The following MMP26 variants were observed in gnomAD, a reference collection of about 807,000 sequenced individuals.
The protein encoded by MMP26 is matrix metallopeptidase 26.
A neutral mutation model predicts 31.0 loss-of-function variants in MMP26; 33 were observed. The ratio of observed to expected loss-of-function variants is 1.06; its 90% CI spans 0.81 to 1.42. The LOEUF (loss-of-function observed/expected upper bound fraction) is 1.42. MMP26 is among the 40% of genes most tolerant of loss of function. MMP26 has a pLI of 0.00. For missense variants in MMP26, 347 were observed against 316.1 expected (o/e 1.10, Z -0.74); for synonymous variants, 122 against 114.9 (o/e 1.06, Z -0.40).
intron 2 of MMP26, among the ~76,000 whole-genome samples, chr11:4,826,429 C>T (rs1262892764): frequency 6.6e-6 from 1 of 152,094 alleles, no homozygotes. Context: ...AAGAAGCTAT[C>T]TCAGCTTCAG....
chr11:4,706,961 T>G (rs1225973332), intron 1 of MMP26, among the ~76,000 whole-genome samples: 4 of 152,252 alleles, frequency 2.6e-5, no homozygotes, highest in African/African-American at 9.6e-5. Flanking sequence ...TCTTGTGCTT[T>G]CTTTATGCAT....
chr11:4,766,823 C>G (rs1347269459), intron 1 of MMP26, among the ~76,000 whole-genome samples: 1 of 150,586 alleles, frequency 6.6e-6, no homozygotes, highest in Non-Finnish European at 1.5e-5. Flanking sequence ...GTGACTCTGA[C>G]AATTTAAAAA....
At chr11:4,949,442 G>T (rs1242394730) in intron 2 of MMP26, among the ~76,000 whole-genome samples, 1 of 122,884 alleles carries the variant, frequency 8.1e-6, no homozygotes, top group African/African-American at 2.7e-5. Flanking sequence ...TTCTAGAGAC[G>T]TGAAGTATTG....
intron 1 of MMP26, among the ~76,000 whole-genome samples, chr11:4,746,701 G>A (rs1364817333): frequency 6.6e-6 from 1 of 152,050 alleles, no homozygotes; most frequent in Non-Finnish European, 1.5e-5. Flanking sequence ...GGGTTTGGTG[G>A]TGGGCACCTG....
Position 4,950,512 on chromosome 11 carries a change from C to G in MMP26, c.-144-37556C>G, listed in dbSNP as rs1002379337. ...TAGAAACAAAGTAGCATGATGAATA[C>G]TAGATGATGGGGATGGGGGGAGTCT... On this transcript the variant is annotated intron_variant, in intron 2 of 7. Coordinates refer to ENST00000380390, the MANE Select transcript of MMP26 (RefSeq NM_021801.5). Among the ~76,000 whole-genome samples, 4 of 119,274 alleles carry G rather than the reference C, an allele frequency of 3.4e-5. 1 individual carries two copies. Among genetic ancestry groups the G allele is most frequent in the African/African-American group, 1.1e-4 (4 of 35,470 alleles). The allele number at this position is 119,274 out of a possible 152,430, so 78.2% of individuals were successfully genotyped here.
intron 2 of MMP26, chr11:4,848,659 G>A (rs1289760046): frequency 2.5e-6 from 4 of 1,613,802 alleles, no homozygotes; most frequent in Non-Finnish European, 3.4e-6. Context: ...CAATAAGAAT[G>A]GGTTAGGACC....
At position 4,734,617 on chromosome 11, in the gene MMP26, C is replaced by A. The variant is rs117476465; in HGVS notation, c.-217+29572C>A. 5.1e-3 allele frequency among the ~76,000 whole-genome samples: 748 copies of A among 147,720 alleles called. 6 individuals are homozygous for A. Among genetic ancestry groups the A allele is most frequent in the Admixed American group, 0.011 (167 of 14,908 alleles). On this transcript the variant is annotated intron_variant, in intron 1 of 7. Coordinates refer to ENST00000380390, the MANE Select transcript of MMP26 (RefSeq NM_021801.5). Reference sequence around the variant, plus strand: ...ATTAATCTCACACCATTTTCTAATTCCCTTTGGGATTTTTTTTATGACCCG... The same window carrying A: ...ATTAATCTCACACCATTTTCTAATTACCTTTGGGATTTTTTTTATGACCCG...
chr11:4,848,313 T>A, intron 2 of MMP26: 1 of 1,613,974 alleles, frequency 6.2e-7, no homozygotes, highest in Non-Finnish European at 8.5e-7. Context: ...CTTGACACTA[T>A]AGAGAATAGG....
At chr11:4,841,266 A>G (rs973020903) in intron 2 of MMP26, among the ~76,000 whole-genome samples, 1 of 152,218 alleles carries the variant, frequency 6.6e-6, no homozygotes, top group Non-Finnish European at 1.5e-5. Context: ...AAGAGATAAT[A>G]ACAGAGAACA....
intron 1 of MMP26, chr11:4,736,709 G>A (rs1028957436): frequency 3.3e-5 from 5 of 152,232 alleles, no homozygotes; most frequent in Admixed American, 6.5e-5. Flanking sequence ...GTATACCTCG[G>A]GGGGTTACAA....
chr11:4,780,110 T>C (rs4910678), intron 2 of MMP26, among the ~76,000 whole-genome samples: 3,783 of 152,258 alleles, frequency 0.025, 78 homozygotes, highest in Admixed American at 0.037. Context: ...GGTCATTTTG[T>C]TTTTATTTTT....
In MMP26 at chr11:4,727,115, T is replaced by C. The variant is rs375778016; in HGVS notation, c.-217+22070T>C. ...CTTACATTGCTTGTCAACATTTTTA[T>C]CCAAGGGTAAGAAAAAAATGTTTTC... is the stretch of plus-strand genomic sequence containing the variant. On this transcript the variant is annotated intron_variant, in intron 1 of 7. Coordinates refer to ENST00000380390, the MANE Select transcript of MMP26 (RefSeq NM_021801.5). 8.5e-5 allele frequency among the ~76,000 whole-genome samples: 13 copies of C among 152,168 alleles called. No homozygotes were observed. In the East Asian group the frequency reaches 1.9e-3, roughly 23 times the overall value.
chr11:4,968,949 C>G (rs1321803018), intron 2 of MMP26, among the ~76,000 whole-genome samples: 3 of 151,972 alleles, frequency 2.0e-5, no homozygotes, highest in Non-Finnish European at 4.4e-5. Context: ...AACATCATAT[C>G]TTTCATACTT....
chr11:4,834,051 G>A (rs1369256361), intron 2 of MMP26, among the ~76,000 whole-genome samples: 1 of 152,158 alleles, frequency 6.6e-6, no homozygotes. Context: ...TAAAGAAAAA[G>A]AGGTAGCATC....
chr11:4,819,229 A>T (rs1432592153), intron 2 of MMP26, among the ~76,000 whole-genome samples: 2 of 152,226 alleles, frequency 1.3e-5, no homozygotes, highest in East Asian at 3.8e-4. Flanking sequence ...TGGAACCTAA[A>T]CACCAAAACT....
intron 2 of MMP26, among the ~76,000 whole-genome samples, chr11:4,823,144 G>T (rs920042734): frequency 2.6e-5 from 4 of 151,096 alleles, no homozygotes; most frequent in African/African-American, 9.9e-5. Context: ...GCAAAGGCTG[G>T]CTGATATCAA....
chr11:4,981,247 T>C (rs192047537), intron 2 of MMP26, among the ~76,000 whole-genome samples: 65 of 152,264 alleles, frequency 4.3e-4, no homozygotes, highest in African/African-American at 1.5e-3. Context: ...TGTGCATACC[T>C]GTGTGTATGT....
intron 2 of MMP26, among the ~76,000 whole-genome samples, chr11:4,801,175 C>T (rs889947367): frequency 6.6e-6 from 1 of 152,176 alleles, no homozygotes; most frequent in Non-Finnish European, 1.5e-5. Context: ...CTTCTGAGTT[C>T]TCTGAACTCT....
At chr11:4,971,445 GC>G (rs1158722773) in intron 2 of MMP26, among the ~76,000 whole-genome samples, 2 of 152,162 alleles carry the variant, frequency 1.3e-5, no homozygotes, top group Non-Finnish European at 2.9e-5. Flanking sequence ...TACTTATGAT[GC>G]TTAAAGAACA....
Sources: gnomAD v4.1 joint callset for allele counts (sites outside exome capture counted in the v4.1 genomes callset) on GRCh38, gnomAD v4.1.1 for gene constraint, MANE v1.5 for transcripts, NCBI Gene and HGNC (gene_info 2026-07-23, HGNC 2026-07-21) for gene names.